CHST9: variants seen among roughly 807,000 people sequenced by gnomAD.
CHST9 encodes the protein carbohydrate sulfotransferase 9, also known as GalNAc-4-sulfotransferase 2.
Under a neutral mutation model 44.4 loss-of-function variants are expected in CHST9, and 41 were observed. That is an observed-to-expected ratio of 0.92 (90% CI 0.72 to 1.20). The LOEUF (loss-of-function observed/expected upper bound fraction) is 1.20, where lower values mean the gene tolerates loss of function less well. Ranked by LOEUF, CHST9 falls within the 50% of genes most tolerant of loss-of-function variation. The pLI, the probability that CHST9 is intolerant of heterozygous loss-of-function variation, is 0.00. For synonymous variants in CHST9, 171 were observed against 178.4 expected (o/e 0.96, Z 0.33); for missense variants, 504 against 516.5 (o/e 0.98, Z 0.23).
intron 5 of CHST9, among the ~76,000 whole-genome samples, chr18:26,931,639 GTCCATTTGTTTGTCTCCAC>G (rs2055879591): frequency 1.3e-5 from 2 of 152,186 alleles, no homozygotes; most frequent in African/African-American, 2.4e-5. Context: ...GGCAAGGAAA[GTCCATTTGTTTGTCTCCAC>G]TCCTGCCAGG....
chr18:27,075,244 A>G (rs1257117354), intron 2 of CHST9, among the ~76,000 whole-genome samples: 1 of 149,960 alleles, frequency 6.7e-6, no homozygotes, highest in Non-Finnish European at 1.5e-5. Context: ...GATATTTGTC[A>G]CGCTCAGTTT....
At position 27,053,252 on chromosome 18, in the gene CHST9, GAA is replaced by G. The variant is rs1477773565; in HGVS notation, c.122-4751_122-4750del. On this transcript the variant is annotated intron_variant, in intron 2 of 5. Coordinates refer to ENST00000618847, the MANE Select transcript of CHST9 (RefSeq NM_031422.6). ...AGAAGAAGAAGAAGAAGAAGAAGAAGAAGAAGAAGGAGAAGGAGAAGGAGAAG... is the reference window on the plus strand; with the variant it reads ...AGAAGAAGAAGAAGAAGAAGAAGAAGGAAGAAGGAGAAGGAGAAGGAGAAG... Among the ~76,000 whole-genome samples, 282 of 111,138 alleles carry G rather than the reference GAA, an allele frequency of 2.5e-3. 6 individuals are homozygous for G. Among genetic ancestry groups the G allele is most frequent in the African/African-American group, 9.1e-3 (274 of 30,052 alleles). The allele number at this position is 111,138 out of a possible 152,430, so 72.9% of individuals were successfully genotyped here.
intron 4 of CHST9, among the ~76,000 whole-genome samples, chr18:26,966,054 G>T (rs1268907449): frequency 6.6e-6 from 1 of 152,188 alleles, no homozygotes; most frequent in African/African-American, 2.4e-5. Flanking sequence ...TATTCATAAT[G>T]CTGCTTTTAA....
chr18:27,000,662 A>ATCTATCTATCTC (rs1568127530), intron 4 of CHST9, among the ~76,000 whole-genome samples: 7 of 131,588 alleles, frequency 5.3e-5, no homozygotes, highest in South Asian at 2.5e-4. Flanking sequence ...CTATCTCTCT[A>ATCTATCTATCTC]TCTATCTATT....
intron 5 of CHST9, among the ~76,000 whole-genome samples, chr18:26,925,358 G>A (rs232323): frequency 0.42 from 64,423 of 151,956 alleles, 14,161 homozygotes; most frequent in East Asian, 0.71. Context: ...AAGAGTAGAT[G>A]CAGATAAGCT....
chr18:27,179,407 T>C lies in CHST9; in HGVS notation c.-97+5729A>G, dbSNP rs950815756. Among the ~76,000 whole-genome samples, 6 of 73,126 alleles carry C rather than the reference T, an allele frequency of 8.2e-5. No homozygotes were observed. In the South Asian group the frequency reaches 1.8e-3, roughly 21 times the overall value. 48.0% of individuals were successfully genotyped at this position (73,126 alleles called of 152,430 possible). On this transcript the variant is annotated intron_variant, in intron 1 of 5. Coordinates refer to ENST00000618847, the MANE Select transcript of CHST9 (RefSeq NM_031422.6). ...TGGTCCTACTTAAAAGAAGTAAAGA[T>C]AGATAGGTAGGGGCATGAAAAATAA...
chr18:27,167,195 A>G (rs1022991467), intron 1 of CHST9, among the ~76,000 whole-genome samples: 1 of 152,204 alleles, frequency 6.6e-6, no homozygotes, highest in Admixed American at 6.5e-5. Context: ...AGATGCTTTT[A>G]ACTCACCATA....
intron 4 of CHST9, among the ~76,000 whole-genome samples, chr18:26,971,362 C>A (rs2145170493): frequency 6.6e-6 from 1 of 152,298 alleles, no homozygotes; most frequent in East Asian, 1.9e-4. Context: ...GAGAAATTCA[C>A]TCAACAAACA....
chr18:26,946,638 T>C (rs941400841), intron 4 of CHST9, among the ~76,000 whole-genome samples: 1 of 152,238 alleles, frequency 6.6e-6, no homozygotes, highest in African/African-American at 2.4e-5. Flanking sequence ...CTTCTAGGGT[T>C]TTTATGGTTT....
chr18:27,096,391 C>T (rs1183731389), intron 2 of CHST9, among the ~76,000 whole-genome samples: 1 of 151,548 alleles, frequency 6.6e-6, no homozygotes, highest in Non-Finnish European at 1.5e-5. Flanking sequence ...AACAGGAACA[C>T]ACTAATCCCA....
chr18:26,977,898 G>A (rs1378287174), intron 4 of CHST9, among the ~76,000 whole-genome samples: 2 of 151,822 alleles, frequency 1.3e-5, no homozygotes, highest in African/African-American at 4.8e-5. Context: ...GGCATGATGC[G>A]TGCACCACCT....
rs577087876 is a variant in CHST9, at chr18:27,078,024, C to T, written c.122-29521G>A. The stretch of plus-strand genomic sequence containing the variant: ...TTTCAAACACTAGATCTTGTGAGAA[C>T]TCTATCACAACAACAGCAAGGGGGA... On this transcript the variant is annotated intron_variant, in intron 2 of 5. Coordinates refer to ENST00000618847, the MANE Select transcript of CHST9 (RefSeq NM_031422.6). 8.1e-4 allele frequency among the ~76,000 whole-genome samples: 123 copies of T among 152,232 alleles called. 1 individual carries two copies. Among genetic ancestry groups the T allele is most frequent in the South Asian group, 5.6e-3 (27 of 4,816 alleles).
intron 2 of CHST9, among the ~76,000 whole-genome samples, chr18:27,141,591 C>CAAAAAAAAAAAAA (rs34920055): frequency 1.6e-4 from 8 of 50,098 alleles, no homozygotes; most frequent in African/African-American, 7.0e-4. Flanking sequence ...AATCCCGACT[C>CAAAAAAAAAAAAA]AAAAAAAAAA....
chr18:27,068,744 C>G (rs940378111), intron 2 of CHST9, among the ~76,000 whole-genome samples: 2 of 152,168 alleles, frequency 1.3e-5, no homozygotes, highest in African/African-American at 2.4e-5. Flanking sequence ...CTTTGGCTTA[C>G]TTGCTAGTGC....
intron 2 of CHST9, among the ~76,000 whole-genome samples, chr18:27,129,604 G>A (rs1456601325): frequency 6.6e-6 from 1 of 152,036 alleles, no homozygotes; most frequent in Non-Finnish European, 1.5e-5. Context: ...TGTTGCCCAG[G>A]CTGGTCTCGA....
At chr18:27,038,637 A>G (rs966334273) in intron 3 of CHST9, among the ~76,000 whole-genome samples, 8 of 152,186 alleles carry the variant, frequency 5.3e-5, no homozygotes, top group African/African-American at 1.9e-4. Flanking sequence ...TGTGACTAGC[A>G]CAACTCAGAA....
intron 4 of CHST9, among the ~76,000 whole-genome samples, chr18:26,954,062 C>T (rs1443030541): frequency 6.6e-6 from 1 of 152,108 alleles, no homozygotes; most frequent in African/African-American, 2.4e-5. Context: ...TCTGGAGTAT[C>T]ACATCCCCCT....
chr18:26,974,739 T>C (rs2145177793), intron 4 of CHST9, among the ~76,000 whole-genome samples: 1 of 151,740 alleles, frequency 6.6e-6, no homozygotes, highest in East Asian at 2.0e-4. Context: ...AGTGGCCCGA[T>C]CTCGGCTCAC....
At position 26,947,957 on chromosome 18, in the gene CHST9, T is replaced by C. The variant is rs373922661; in HGVS notation, c.203-3591A>G. 4.5e-4 allele frequency among the ~76,000 whole-genome samples: 68 copies of C among 152,294 alleles called. 1 individual carries two copies. Among genetic ancestry groups the C allele is most frequent in the Admixed American group, 1.6e-3 (25 of 15,296 alleles). On this transcript the variant is annotated intron_variant, in intron 4 of 5. Transcript: ENST00000618847. ...AAAGACACATGCGAACGTATGTTTATTGCAGCACTGTTCACAATAGCAAAG... is the reference window on the plus strand; with the variant it reads ...AAAGACACATGCGAACGTATGTTTACTGCAGCACTGTTCACAATAGCAAAG...
Sources: allele counts gnomAD v4.1 joint callset (sites outside exome capture counted in the v4.1 genomes callset), GRCh38; gene constraint gnomAD v4.1.1; transcripts MANE v1.5; gene names NCBI Gene and HGNC (gene_info 2026-07-23, HGNC 2026-07-21).